The following LHFPL6 variants were observed in gnomAD, a reference collection of about 807,000 sequenced individuals.
LHFPL6 encodes LHFPL tetraspan subfamily member 6 protein.
Under a neutral mutation model 20.6 loss-of-function variants are expected in LHFPL6, and 9 were observed. The observed-to-expected ratio is 0.44, with a 90% CI of 0.26 to 0.76. The LOEUF is 0.76. Ranked by LOEUF, LHFPL6 falls within the 30% of genes least tolerant of loss-of-function variation. LHFPL6 has a pLI of 0.20. For missense variants in LHFPL6, 218 were observed against 253.5 expected, an observed-to-expected ratio of 0.86 and a Z score of 0.95; for synonymous variants, 105 against 98.7, an observed-to-expected ratio of 1.06 and a Z score of -0.38.
At chr13:39,596,477 A>G (rs1226874768) in intron 2 of LHFPL6, among the ~76,000 whole-genome samples, 1 of 152,126 alleles carries the variant, frequency 6.6e-6, no homozygotes, top group Non-Finnish European at 1.5e-5. Flanking sequence ...CACCAAATCT[A>G]CTGACAGAAA....
At position 39,589,239 on chromosome 13, in the gene LHFPL6, C is replaced by T. The variant is rs190730408; in HGVS notation, c.385+11593G>A. Among the ~76,000 whole-genome samples, 300 of 152,018 alleles carry T rather than the reference C, an allele frequency of 2.0e-3. 1 individual carries two copies. The highest frequency in any genetic ancestry group is 7.0e-3 in the African/African-American group (290 of 41,446). The stretch of plus-strand genomic sequence containing the variant: ...CTCCTGCCTCAGCCTCCTGAGTAGC[C>T]GAGATTACAGGCGCATGCCACCACA... On this transcript the variant is annotated intron_variant, in intron 2 of 3. Coordinates refer to ENST00000379589, the MANE Select transcript of LHFPL6 (RefSeq NM_005780.3).
intron 2 of LHFPL6, among the ~76,000 whole-genome samples, chr13:39,509,146 G>C (rs1347587777): frequency 1.3e-5 from 2 of 152,056 alleles, no homozygotes; most frequent in African/African-American, 4.8e-5. Context: ...TGAAACGATG[G>C]TGAACATCTT....
chr13:39,472,548 C>A (rs758986615), intron 2 of LHFPL6, among the ~76,000 whole-genome samples: 13 of 152,078 alleles, frequency 8.5e-5, no homozygotes, highest in Non-Finnish European at 8.8e-5. Flanking sequence ...GCTGTGAGAG[C>A]AGGGACTTTC....
At chr13:39,449,511 T>A (rs1335036077) in intron 2 of LHFPL6, among the ~76,000 whole-genome samples, 1 of 152,252 alleles carries the variant, frequency 6.6e-6, no homozygotes, top group East Asian at 1.9e-4. Flanking sequence ...AGATTTACAA[T>A]TTTGCCATTT....
chr13:39,449,021 A>G (rs1872369356), intron 2 of LHFPL6, among the ~76,000 whole-genome samples: 1 of 152,212 alleles, frequency 6.6e-6, no homozygotes, highest in Non-Finnish European at 1.5e-5. Context: ...CAACCATGTC[A>G]ATGCACAAAT....
intron 2 of LHFPL6, among the ~76,000 whole-genome samples, chr13:39,593,478 T>A (rs1191042234): frequency 1.3e-5 from 2 of 151,954 alleles, no homozygotes; most frequent in Non-Finnish European, 2.9e-5. Flanking sequence ...TACAAACAAA[T>A]GGAAGAACAT....
At chr13:39,456,800 C>CT (rs779014732) in intron 2 of LHFPL6, among the ~76,000 whole-genome samples, 334 of 143,702 alleles carry the variant, frequency 2.3e-3, no homozygotes, top group Middle Eastern at 7.2e-3. Flanking sequence ...ACAAAGATTT[C>CT]TTTTTTTTTT....
At chr13:39,417,589 T>C (rs1031551799) in intron 2 of LHFPL6, among the ~76,000 whole-genome samples, 3 of 152,216 alleles carry the variant, frequency 2.0e-5, no homozygotes, top group South Asian at 2.1e-4. Context: ...TTGTTAGCCA[T>C]TCTGCAAAAA....
intron 2 of LHFPL6, among the ~76,000 whole-genome samples, chr13:39,581,959 G>C (rs904812649): frequency 7.2e-5 from 11 of 152,164 alleles, no homozygotes; most frequent in Non-Finnish European, 1.3e-4. Context: ...CCCACGTGAA[G>C]GTTTTCAAAA....
At chr13:39,540,265 G>A (rs896110990) in intron 2 of LHFPL6, among the ~76,000 whole-genome samples, 4 of 151,898 alleles carry the variant, frequency 2.6e-5, no homozygotes, top group Middle Eastern at 3.2e-3. Context: ...GGATACTCAC[G>A]AAAAAATACC....
chr13:39,562,088 T>C (rs1871501236), intron 2 of LHFPL6, among the ~76,000 whole-genome samples: 1 of 152,156 alleles, frequency 6.6e-6, no homozygotes, highest in Admixed American at 6.5e-5. Context: ...ACTCCTACAA[T>C]ATGCATTTTA....
chr13:39,515,009 C>T (rs965060802), intron 2 of LHFPL6, among the ~76,000 whole-genome samples: 1 of 152,184 alleles, frequency 6.6e-6, no homozygotes, highest in African/African-American at 2.4e-5. Context: ...CCAAATCAGC[C>T]CTACACATTC....
intron 2 of LHFPL6, among the ~76,000 whole-genome samples, chr13:39,409,579 A>T (rs1227922463): frequency 1.3e-5 from 2 of 152,206 alleles, no homozygotes. Context: ...TCAGGGACTT[A>T]TATGTCTCTG....
At chr13:39,430,107 G>A (rs2138403653) in intron 2 of LHFPL6, among the ~76,000 whole-genome samples, 1 of 152,312 alleles carries the variant, frequency 6.6e-6, no homozygotes, top group South Asian at 2.1e-4. Flanking sequence ...CATCCTTCTT[G>A]TGGATTTAAA....
intron 2 of LHFPL6, among the ~76,000 whole-genome samples, chr13:39,585,385 T>G (rs1593374583): frequency 6.6e-6 from 1 of 152,242 alleles, no homozygotes; most frequent in Admixed American, 6.5e-5. Context: ...AAGAGTACGT[T>G]TTGTGTGTCA....
At chr13:39,560,007 C>A (rs970882278) in intron 2 of LHFPL6, among the ~76,000 whole-genome samples, 1 of 152,164 alleles carries the variant, frequency 6.6e-6, no homozygotes, top group African/African-American at 2.4e-5. Flanking sequence ...GTGCAGCATG[C>A]CACCCACAAG....
At chr13:39,489,764 A>G (rs1868855240) in intron 2 of LHFPL6, among the ~76,000 whole-genome samples, 4 of 152,108 alleles carry the variant, frequency 2.6e-5, no homozygotes, top group African/African-American at 9.7e-5. Context: ...TATGTTGCCC[A>G]GCCCAGTCTC....
At chr13:39,583,194 G>C (rs1434264103) in intron 2 of LHFPL6, among the ~76,000 whole-genome samples, 3 of 75,620 alleles carry the variant, frequency 4.0e-5, no homozygotes, top group African/African-American at 1.6e-4. Flanking sequence ...TTTTTTTTAA[G>C]ACAGGGTCCT....
rs200931835 is a variant in LHFPL6, at chr13:39,600,999, G to C, written c.218C>G (p.Ser73Cys). 6.2e-7 allele frequency: 1 copy of C among 1,614,036 alleles called. No homozygotes were observed. Among genetic ancestry groups the C allele is most frequent in the African/African-American group, 1.3e-5 (1 of 75,046 alleles). Residue 73 changes from serine (S) to cysteine (C), a missense_variant, in exon 2 of 4, where the codon TCC becomes TGC. Ser to Cys is a moderately radical substitution (Grantham distance 112). Transcript: ENST00000379589. ...VMVEECGRYA[S>C]FQGIPSAEWR... Reference sequence around the variant, plus strand: ...TTCTGCGCTGGGGATGCCCTGGAAGGAGGCATAGCGCCCACATTCCTCCAC... The same window carrying C: ...TTCTGCGCTGGGGATGCCCTGGAAGCAGGCATAGCGCCCACATTCCTCCAC...
Sources: allele counts gnomAD v4.1 joint callset (sites outside exome capture counted in the v4.1 genomes callset), GRCh38; gene constraint gnomAD v4.1.1; transcripts MANE v1.5; gene names NCBI Gene and HGNC (gene_info 2026-07-23, HGNC 2026-07-21).